The following LBH variants were observed in gnomAD, a reference collection of about 807,000 sequenced individuals.
LBH encodes protein LBH.
A neutral mutation model predicts 12.5 loss-of-function variants in LBH; 7 were observed. The observed-to-expected ratio is 0.56, with a 90% confidence interval of 0.32 to 1.05. LBH has a LOEUF of 1.05. Ranked by LOEUF, LBH falls within the 50% of genes least tolerant of loss-of-function variation. The pLI is 0.04. For synonymous variants in LBH, 51 were observed against 50.1 expected (o/e 1.02, Z -0.08); for missense variants, 119 against 138.9 (o/e 0.86, Z 0.72).
intron 2 of LBH, among the ~76,000 whole-genome samples, chr2:30,242,134 C>T (rs145552254): frequency 4.0e-5 from 6 of 151,798 alleles, no homozygotes; most frequent in African/African-American, 1.5e-4. Flanking sequence ...TTTGTGCATA[C>T]TTTATACTGT....
chr2:30,234,633 AATGC>A, intron 2 of LBH, 126 bp downstream of exon 2: 2 of 635,134 alleles, frequency 3.1e-6, no homozygotes, highest in African/African-American at 1.8e-5. Flanking sequence ...AGAGTCCCCT[AATGC>A]CAGTAAGCCT....
intron 1 of LBH, 161 bp from the exon 2 acceptor site, chr2:30,234,244 C>T (rs952795456): frequency 3.5e-5 from 21 of 607,362 alleles, no homozygotes; most frequent in African/African-American, 9.2e-5. Context: ...GCTTGCAAGG[C>T]GCTTCCTCAG....
intron 2 of LBH, among the ~76,000 whole-genome samples, chr2:30,241,062 G>A (rs998283606): frequency 1.3e-5 from 2 of 152,200 alleles, no homozygotes; most frequent in Non-Finnish European, 2.9e-5. Flanking sequence ...TTTCTTAGGA[G>A]AGCTTAAAGC....
At chr2:30,257,295 C>A in intron 2 of LBH, 138 bp from the exon 3 acceptor site, 3 of 872,142 alleles carry the variant, frequency 3.4e-6, no homozygotes, top group East Asian at 2.6e-5. Context: ...CTTATATACT[C>A]CACAGCCTCC....
At chr2:30,246,620 G>C (rs1677873421) in intron 2 of LBH, among the ~76,000 whole-genome samples, 1 of 152,198 alleles carries the variant, frequency 6.6e-6, no homozygotes, top group African/African-American at 2.4e-5. Context: ...AGACTCTCAT[G>C]TGCTTCTCCA....
chr2:30,248,187 G>T (rs1461265475), intron 2 of LBH, among the ~76,000 whole-genome samples: 1 of 152,216 alleles, frequency 6.6e-6, no homozygotes, highest in Non-Finnish European at 1.5e-5. Flanking sequence ...TGCTGCAGTT[G>T]TGATCAACTA....
At chr2:30,237,953 A>G (rs1488262354) in intron 2 of LBH, among the ~76,000 whole-genome samples, 2 of 152,128 alleles carry the variant, frequency 1.3e-5, no homozygotes, top group African/African-American at 4.8e-5. Context: ...CAGGATGTTG[A>G]TGTCCCTGAT....
rs980697860 is a variant in LBH, at chr2:30,232,175, A to C, written c.26+411A>C. Reference sequence around the variant, plus strand: ...TCTTTTTGTTTGCATGCAAGTCTCAACGTCGAGGCCGGCAGCAGCGGGGCT... The same window carrying C: ...TCTTTTTGTTTGCATGCAAGTCTCACCGTCGAGGCCGGCAGCAGCGGGGCT... On this transcript the variant is annotated intron_variant, in intron 1 of 2. Transcript: ENST00000395323. The C allele has an allele frequency of 2.3e-6, 3 of 1,327,888 alleles. No homozygotes were observed. In the African/African-American group the frequency reaches 4.7e-5, roughly 21 times the overall value. 82.3% of individuals were successfully genotyped at this position (1,327,888 alleles called of 1,614,324 possible).
intron 2 of LBH, among the ~76,000 whole-genome samples, chr2:30,246,263 T>C (rs1677867765): frequency 6.6e-6 from 1 of 152,164 alleles, no homozygotes; most frequent in Non-Finnish European, 1.5e-5. Context: ...TGGCCCATAG[T>C]CATCTTACTG....
In LBH at chr2:30,251,669, G is replaced by GA. The variant is rs200828977; in HGVS notation, c.130-5746dup. 2.6e-3 allele frequency among the ~76,000 whole-genome samples: 292 copies of GA among 111,012 alleles called. 1 individual carries two copies. The highest frequency in any genetic ancestry group is 8.3e-3 in the East Asian group (24 of 2,894). The allele number at this position is 111,012 out of a possible 152,430, so 72.8% of individuals were successfully genotyped here. On this transcript the variant is annotated intron_variant, in intron 2 of 2. Coordinates refer to ENST00000395323, the MANE Select transcript of LBH (RefSeq NM_030915.4). ...GTGACAAAACAAGACCCTATCTCAA[G>GA]AAAAAAAAAAAAAAAAAACTAATAA...
intron 1 of LBH, among the ~76,000 whole-genome samples, chr2:30,233,471 A>G (rs1283241122): frequency 1.3e-5 from 2 of 152,092 alleles, no homozygotes; most frequent in Non-Finnish European, 2.9e-5. Flanking sequence ...CCCTCAAAAG[A>G]CTCCCCCATA....
At chr2:30,248,132 T>C (rs2103560872) in intron 2 of LBH, among the ~76,000 whole-genome samples, 1 of 152,280 alleles carries the variant, frequency 6.6e-6, no homozygotes, top group African/African-American at 2.4e-5. Flanking sequence ...GAAAGGCATA[T>C]ACCTCTAGGA....
At chr2:30,253,192 T>G (rs1678018046) in intron 2 of LBH, among the ~76,000 whole-genome samples, 1 of 152,206 alleles carries the variant, frequency 6.6e-6, no homozygotes, top group South Asian at 2.1e-4. Flanking sequence ...CCTCTCATTT[T>G]TCTGCTGCCT....
chr2:30,254,268 A>G lies in LBH; in HGVS notation c.130-3165A>G, dbSNP rs116512252. ...CAATGATAGCTAACAATAAAATAGAACAATTATAACACTATACTGCAACAA... is the reference window on the plus strand; with the variant it reads ...CAATGATAGCTAACAATAAAATAGAGCAATTATAACACTATACTGCAACAA... On this transcript the variant is annotated intron_variant, in intron 2 of 2. Transcript: ENST00000395323. Among the ~76,000 whole-genome samples the G allele has an allele frequency of 8.0e-3, 1,221 of 152,306 alleles. 14 individuals carry two copies. The highest frequency in any genetic ancestry group is 0.027 in the African/African-American group (1,112 of 41,556).
chr2:30,247,748 TATAA>T (rs772076501), intron 2 of LBH, among the ~76,000 whole-genome samples: 13 of 152,260 alleles, frequency 8.5e-5, no homozygotes, highest in Non-Finnish European at 1.8e-4. Context: ...CAATATTTAA[TATAA>T]ATTACTTTTT....
At chr2:30,252,073 C>T (rs985042243) in intron 2 of LBH, among the ~76,000 whole-genome samples, 22 of 152,124 alleles carry the variant, frequency 1.4e-4, no homozygotes, top group Non-Finnish European at 2.8e-4. Flanking sequence ...ATGGCTTGGC[C>T]GTGTCCCCAC....
At chr2:30,243,975 C>T (rs1677831544) in intron 2 of LBH, among the ~76,000 whole-genome samples, 1 of 152,222 alleles carries the variant, frequency 6.6e-6, no homozygotes, top group Non-Finnish European at 1.5e-5. Flanking sequence ...GGTCCACATA[C>T]TCCTGATGGT....
intron 2 of LBH, among the ~76,000 whole-genome samples, chr2:30,250,072 A>T (rs77593097): frequency 0.015 from 2,299 of 152,270 alleles, 65 homozygotes; most frequent in African/African-American, 0.051. Flanking sequence ...GGTCATAGCG[A>T]TAATAAAAGA....
chr2:30,240,728 G>A (rs2103558029), intron 2 of LBH, among the ~76,000 whole-genome samples: 1 of 152,282 alleles, frequency 6.6e-6, no homozygotes. Context: ...TTAACCTCAA[G>A]GAAACTTTGG....
Sources: allele counts gnomAD v4.1 joint callset (sites outside exome capture counted in the v4.1 genomes callset), GRCh38; gene constraint gnomAD v4.1.1; transcripts MANE v1.5; gene names NCBI Gene and HGNC (gene_info 2026-07-23, HGNC 2026-07-21).